Variants in TMEM161A observed in about 807,000 individuals in gnomAD.
TMEM161A encodes the protein adaptive response to oxidative stress protein 29.
In TMEM161A, 46 loss-of-function variants were observed where a neutral mutation model predicts 57.1. The ratio of observed to expected loss-of-function variants is 0.81; its 90% CI spans 0.64 to 1.03. The LOEUF is 1.03. Among genes scored for constraint, TMEM161A ranks in the 50% least tolerant of loss-of-function variants. TMEM161A has a pLI of 0.00. For missense variants in TMEM161A, 601 were observed against 621.5 expected, an observed-to-expected ratio of 0.97 and a Z score of 0.35; for synonymous variants, 288 against 279.0, an observed-to-expected ratio of 1.03 and a Z score of -0.32.
At position 19,132,694 on chromosome 19, in the gene TMEM161A, C is replaced by A; in HGVS notation, c.249G>T (p.Gln83His). The A allele has an allele frequency of 6.3e-7, 1 of 1,581,432 alleles. No individual in the cohort carries two copies. Among genetic ancestry groups the A allele is most frequent in the Non-Finnish European group, 8.6e-7 (1 of 1,163,198 alleles). ...CGGTCGTGAGGGGGCAGGTCTCCAG[C>A]TGGAACGGGGCATCTCGGGGCACAG... ...PLSVPRDAPF[Q>H]LETCPLTTVD... is the part of the protein sequence containing the mutation. The change falls in exon 4 of 12, where the codon CAG becomes CAT. Residue 83 changes from glutamine (Q) to histidine (H), a missense_variant. Gln to His is a conservative substitution (Grantham distance 24). Coordinates refer to ENST00000162044, the MANE Select transcript of TMEM161A (RefSeq NM_017814.3). This position sits in a 1 kb window ranked among gnomAD's most constrained non-coding sequence, Gnocchi z 4.3.
intron 1 of TMEM161A, 24 bp from the exon 2 acceptor site, chr19:19,134,911 C>T (rs775468118): frequency 1.4e-5 from 21 of 1,505,998 alleles, no homozygotes; most frequent in Non-Finnish European, 1.9e-5. Flanking sequence ...ACATGACTGG[C>T]AGCACCTGCC....
At position 19,135,972 on chromosome 19, in the gene TMEM161A, G is replaced by A. The variant is rs781491125; in HGVS notation, c.4-1085C>T. Among the ~76,000 whole-genome samples the A allele has an allele frequency of 2.6e-5, 4 of 150,946 alleles. 1 individual carries two copies. Among genetic ancestry groups the A allele is most frequent in the South Asian group, 4.2e-4 (2 of 4,806 alleles). ...AGTGATCCTCCCACCTCAACCTACC[G>A]AGTAGTTAGGACTACAGTCATGTGC... On this transcript the variant is annotated intron_variant, in intron 1 of 11. Transcript: ENST00000162044.
rs1474780495 is a variant in TMEM161A at position 19,120,060 on chromosome 19, G to A, written c.1310C>T (p.Ala437Val). Reference sequence around the variant, plus strand: ...GAGGGGAGTAAGCAGGCCACCCAGAGCCCCGGCAATCCGCGCTGCAGTCTG... The same window carrying A: ...GAGGGGAGTAAGCAGGCCACCCAGAACCCCGGCAATCCGCGCTGCAGTCTG... The part of the protein sequence containing the change: ...VQQTAARIAG[A>V]LGGLLTPLFL... The change falls in exon 12 of 12, where the codon GCT (alanine) becomes GTT (valine). Residue 437 changes from alanine (A) to valine (V), a missense_variant. Transcript: ENST00000162044. The A allele has an allele frequency of 1.3e-6, 2 of 1,596,728 alleles. No individual in the cohort carries two copies. Among genetic ancestry groups the A allele is most frequent in the East Asian group, 2.3e-5 (1 of 44,204 alleles).
chr19:19,133,692 A>G (rs2059970566), intron 2 of TMEM161A, among the ~76,000 whole-genome samples: 1 of 151,970 alleles, frequency 6.6e-6, no homozygotes, highest in Non-Finnish European at 1.5e-5. Flanking sequence ...GGCTGGTCTC[A>G]AACTCCTGAC....
Position 19,138,406 on chromosome 19 carries a change from T to C in TMEM161A, c.3+20A>G. 1 of 1,602,296 alleles carries C rather than the reference T, an allele frequency of 6.2e-7. No individual in the cohort carries two copies. Among genetic ancestry groups the C allele is most frequent in the East Asian group, 2.3e-5 (1 of 44,096 alleles). On this transcript the variant is annotated intron_variant, in intron 1 of 11. Coordinates refer to ENST00000162044, the MANE Select transcript of TMEM161A (RefSeq NM_017814.3). ...ACCTCGGCCCTGCAGAACCCCCCACTTCGCGGGACGCTCGCTCACCATGAC... is the reference window on the plus strand; with the variant it reads ...ACCTCGGCCCTGCAGAACCCCCCACCTCGCGGGACGCTCGCTCACCATGAC...
At position 19,121,329 on chromosome 19, in the gene TMEM161A, A is replaced by G. The variant is rs1257613513; in HGVS notation, c.893T>C (p.Phe298Ser). 10 of 1,575,488 alleles carry G rather than the reference A, an allele frequency of 6.3e-6. No homozygotes were observed. Among genetic ancestry groups the G allele is most frequent in the Non-Finnish European group, 7.8e-6 (9 of 1,161,060 alleles). ...IARDFLHQPP[F>S]GETRFSLLSD... ...GCACAGGGAGAAACGCGTCTCCCCA[A>G]ACGGCGGCTGGTGCAGGAAGTCCCG... Residue 298 changes from phenylalanine (F) to serine (S), a missense_variant, in exon 9 of 12, where the codon TTT becomes TCT. Phe to Ser is a radical substitution (Grantham distance 155). Coordinates refer to ENST00000162044, the MANE Select transcript of TMEM161A (RefSeq NM_017814.3). The surrounding 1 kb of genome is among the most constrained non-coding windows in gnomAD (Gnocchi z 5.8).
rs181453344 is a variant in TMEM161A at position 19,132,858 on chromosome 19, C to T, written c.189-104G>A. 3.9e-5 allele frequency: 39 copies of T among 988,096 alleles called. No individual in the cohort carries two copies. Among genetic ancestry groups the T allele is most frequent in the Non-Finnish European group, 5.7e-5 (39 of 679,230 alleles). The allele number at this position is 988,096 out of a possible 1,614,324, so 61.2% of individuals were successfully genotyped here. The stretch of plus-strand genomic sequence containing the variant: ...CTGGCCTGGAGACCATCTCTTTCCA[C>T]AACCTTGGCTCCTCTGCACACTGGG... On this transcript the variant is annotated intron_variant, in intron 3 of 11. Transcript: ENST00000162044. This position sits in a 1 kb window ranked among gnomAD's most constrained non-coding sequence, Gnocchi z 4.3.
At chr19:19,125,442 C>T (rs1486518867) in intron 6 of TMEM161A, among the ~76,000 whole-genome samples, 6 of 151,492 alleles carry the variant, frequency 4.0e-5, no homozygotes, top group African/African-American at 9.7e-5. Flanking sequence ...CCTCTGCCTC[C>T]GGGGTTCAAG....
intron 2 of TMEM161A, among the ~76,000 whole-genome samples, chr19:19,134,248 T>C (rs183272588): frequency 6.6e-6 from 1 of 151,984 alleles, no homozygotes; most frequent in Admixed American, 6.6e-5. Flanking sequence ...GTGGGGAGTG[T>C]GGTGATGGTT....
chr19:19,119,563 T>A lies in TMEM161A; in HGVS notation c.*367A>T. 3.9e-6 allele frequency: 1 copy of A among 254,384 alleles called. No homozygotes were observed. The highest frequency in any genetic ancestry group is 7.9e-6 in the Non-Finnish European group (1 of 126,762). The allele number at this position is 254,384 out of a possible 1,614,324, so 15.8% of individuals were successfully genotyped here. A position where few individuals can be genotyped will look rare whatever the true frequency, so the allele number is the denominator to read the frequency against. ...CACCCGGGCAGGTGCCACAGGGACGTGCAAGACAGCTACCACCCTGCACAA... is the reference window on the plus strand; with the variant it reads ...CACCCGGGCAGGTGCCACAGGGACGAGCAAGACAGCTACCACCCTGCACAA... On this transcript the variant is annotated 3_prime_UTR_variant, in exon 12 of 12. Transcript: ENST00000162044.
chr19:19,125,177 C>A (rs1416595460), intron 6 of TMEM161A, among the ~76,000 whole-genome samples: 1 of 151,948 alleles, frequency 6.6e-6, no homozygotes, highest in Non-Finnish European at 1.5e-5. Context: ...TCAGACAGAA[C>A]AAAAGAAAAC....
chr19:19,132,357 G>C lies in TMEM161A; in HGVS notation c.438C>G (p.Phe146Leu). 6.2e-7 allele frequency: 1 copy of C among 1,612,510 alleles called. No homozygotes were observed. Among genetic ancestry groups the C allele is most frequent in the Non-Finnish European group, 8.5e-7 (1 of 1,179,070 alleles). Residue 146 changes from phenylalanine to leucine, a missense_variant, in exon 5 of 12, where the codon TTC becomes TTG. Coordinates refer to ENST00000162044, the MANE Select transcript of TMEM161A (RefSeq NM_017814.3). The surrounding 1 kb of genome is among the most constrained non-coding windows in gnomAD (Gnocchi z 4.3). ...GGAGCAGAGAGGAAGGATACATGGA[G>C]AAGGTCACCGTGAGCAGGCACCAGA... is the stretch of plus-strand genomic sequence containing the variant. The part of the protein sequence containing the change: ...AVFWCLLTVT[F>L]SIKMFLTVTR...
At chr19:19,134,990 G>A in intron 1 of TMEM161A, 103 bp from the exon 2 acceptor site, 2 of 812,932 alleles carry the variant, frequency 2.5e-6, no homozygotes, top group Non-Finnish European at 4.0e-6. Context: ...CTGGATGGGG[G>A]AAGGGCGAGC....
At chr19:19,138,272 G>C (rs77968558) in intron 1 of TMEM161A, among the ~76,000 whole-genome samples, 154 bp downstream of exon 1, 1 of 152,214 alleles carries the variant, frequency 6.6e-6, no homozygotes, top group African/African-American at 2.4e-5. Context: ...AGGGCTCCCA[G>C]AGAGGGACAC....
intron 2 of TMEM161A, among the ~76,000 whole-genome samples, chr19:19,133,718 C>T (rs1275101715): frequency 2.6e-5 from 4 of 152,080 alleles, no homozygotes; most frequent in Non-Finnish European, 4.4e-5. Flanking sequence ...GTGATCCACC[C>T]GCCCCGGCCT....
chr19:19,133,937 T>C (rs1268953168), intron 2 of TMEM161A, among the ~76,000 whole-genome samples: 1 of 152,048 alleles, frequency 6.6e-6, no homozygotes, highest in East Asian at 1.9e-4. Flanking sequence ...ACCTGGCTAA[T>C]TTTTAAAATA....
chr19:19,121,280 C>A lies in TMEM161A; in HGVS notation c.914+28G>T, dbSNP rs202077047. ...GCTAGGGCACCCAGGGGAGCCCCAG[C>A]TACCTCCTAGCCCCACCCAATACGC... On this transcript the variant is annotated intron_variant, in intron 9 of 11. Coordinates refer to ENST00000162044, the MANE Select transcript of TMEM161A (RefSeq NM_017814.3). The surrounding 1 kb of genome is among the most constrained non-coding windows in gnomAD (Gnocchi z 5.8). 16 of 1,553,886 alleles carry A rather than the reference C, an allele frequency of 1.0e-5. No homozygotes were observed. The East Asian group carries it at 3.9e-4, about 38-fold the overall frequency.
At chr19:19,129,875 T>C (rs1168872945) in intron 6 of TMEM161A, among the ~76,000 whole-genome samples, 3 of 151,160 alleles carry the variant, frequency 2.0e-5, no homozygotes, top group Non-Finnish European at 2.9e-5. Context: ...ACTGAACTCC[T>C]GCCTGGGTGA....
At position 19,132,339 on chromosome 19, in the gene TMEM161A, A is replaced by G; in HGVS notation, c.443+13T>C. 5 of 1,608,252 alleles carry G rather than the reference A, an allele frequency of 3.1e-6. No homozygotes were observed. In the South Asian group the frequency reaches 5.6e-5, roughly 18 times the overall value. Reference sequence around the variant, plus strand: ...CACCCGCCCCACTGGCAGGGAGCAGAGAGGAAGGATACATGGAGAAGGTCA... The same window carrying G: ...CACCCGCCCCACTGGCAGGGAGCAGGGAGGAAGGATACATGGAGAAGGTCA... On this transcript the variant is annotated intron_variant, in intron 5 of 11. Coordinates refer to ENST00000162044, the MANE Select transcript of TMEM161A (RefSeq NM_017814.3). The surrounding 1 kb of genome is among the most constrained non-coding windows in gnomAD (Gnocchi z 4.3).
Sources: allele counts gnomAD v4.1 joint callset (sites outside exome capture counted in the v4.1 genomes callset), GRCh38; gene constraint gnomAD v4.1.1; non-coding constraint Gnocchi (gnomAD v3.1); transcripts MANE v1.5; gene names NCBI Gene and HGNC (gene_info 2026-07-23, HGNC 2026-07-21).